The following AK9 variants were observed in gnomAD, a reference collection of about 807,000 sequenced individuals.
AK9 encodes adenylate kinase domain containing 1.
Under a neutral mutation model 239.6 loss-of-function variants are expected in AK9, and 191 were observed. The ratio of observed to expected loss-of-function variants is 0.80; its 90% confidence interval spans 0.71 to 0.90. AK9 has a LOEUF of 0.90. AK9 is among the 40% of genes least tolerant of loss of function. AK9 has a pLI of 0.00. For synonymous variants in AK9, 689 were observed against 721.0 expected (o/e 0.96, Z 0.71); for missense variants, 1,995 against 2,214.7 (o/e 0.90, Z 1.99).
intron 27 of AK9, among the ~76,000 whole-genome samples, chr6:109,539,950 T>G (rs1306991512): frequency 6.6e-6 from 1 of 152,164 alleles, no homozygotes; most frequent in Non-Finnish European, 1.5e-5. Context: ...TGCTCCCTGA[T>G]TGTTCCTGTG....
At chr6:109,639,726 G>A (rs1797162849) in intron 10 of AK9, among the ~76,000 whole-genome samples, 1 of 152,170 alleles carries the variant, frequency 6.6e-6, no homozygotes, top group South Asian at 2.1e-4. Flanking sequence ...CCTTGCCCCT[G>A]CCTACGTCCT....
At chr6:109,587,715 T>G (rs1789694790) in intron 17 of AK9, among the ~76,000 whole-genome samples, 1 of 152,206 alleles carries the variant, frequency 6.6e-6, no homozygotes, top group African/African-American at 2.4e-5. Context: ...TTAGGTTGAT[T>G]CCGCGGCATT....
rs753059975 is a variant in AK9 at position 109,497,844 on chromosome 6, G to A, written c.5168C>T (p.Ala1723Val). Reference sequence around the variant, plus strand: ...CACTGGACAGTAGCCCTGGAGCTCCGCACACTTAGGGAATCGACTCTTCAG... The same window carrying A: ...CACTGGACAGTAGCCCTGGAGCTCCACACACTTAGGGAATCGACTCTTCAG... The part of the protein sequence containing the change: ...SELKSRFPKC[A>V]ELQGYCPVTY... The change falls in exon 37 of 41, where the codon GCG becomes GTG. Residue 1723 changes from alanine (A) to valine (V), a missense_variant. Transcript: ENST00000424296. 9.3e-6 allele frequency: 15 copies of A among 1,613,840 alleles called. No homozygotes were observed. Among genetic ancestry groups the A allele is most frequent in the Admixed American group, 8.3e-5 (5 of 60,012 alleles).
At chr6:109,611,791 C>T (rs569164425) in intron 16 of AK9, among the ~76,000 whole-genome samples, 41 of 152,314 alleles carry the variant, frequency 2.7e-4, no homozygotes, top group African/African-American at 9.4e-4. Context: ...GTCTTCCCAA[C>T]ATTCTTTTTC....
intron 17 of AK9, 127 bp from the exon 18 acceptor site, chr6:109,586,199 G>T: frequency 2.3e-6 from 2 of 855,780 alleles, no homozygotes; most frequent in African/African-American, 1.8e-5. Flanking sequence ...GAAAAAAAAG[G>T]GTGACAATTT....
intron 6 of AK9, among the ~76,000 whole-genome samples, chr6:109,661,808 A>T (rs1455070750): frequency 6.6e-6 from 1 of 152,206 alleles, no homozygotes; most frequent in African/African-American, 2.4e-5. Context: ...ATTCATTTTG[A>T]CATAAACAAG....
chr6:109,606,322 C>T (rs1361843069), intron 17 of AK9, among the ~76,000 whole-genome samples: 1 of 151,644 alleles, frequency 6.6e-6, no homozygotes, highest in African/African-American at 2.4e-5. Context: ...CTGGGGGAAG[C>T]AGAGGAAATA....
chr6:109,636,263 C>T (rs1056755993), intron 10 of AK9, among the ~76,000 whole-genome samples: 4 of 152,128 alleles, frequency 2.6e-5, no homozygotes, highest in Admixed American at 2.6e-4. Context: ...TCTCACTCTT[C>T]ACCAGGGAGC....
At chr6:109,509,527 G>A in intron 32 of AK9, 147 bp from the exon 33 acceptor site, 1 of 737,174 alleles carries the variant, frequency 1.4e-6, no homozygotes, top group Non-Finnish European at 2.2e-6. Flanking sequence ...AGTGATGGCA[G>A]TGGCTGCTGC....
chr6:109,575,143 G>C (rs1787899156), intron 20 of AK9, among the ~76,000 whole-genome samples: 2 of 152,114 alleles, frequency 1.3e-5, no homozygotes, highest in South Asian at 4.1e-4. Context: ...ATAAACGTGT[G>C]TGTGCAAGTG....
At chr6:109,544,467 C>T (rs776289174) in intron 26 of AK9, among the ~76,000 whole-genome samples, 3 of 152,008 alleles carry the variant, frequency 2.0e-5, no homozygotes, top group African/African-American at 4.8e-5. Context: ...GCACCATTAC[C>T]CCCTTGGTAC....
At chr6:109,642,263 A>G (rs1797546561) in intron 9 of AK9, among the ~76,000 whole-genome samples, 1 of 152,208 alleles carries the variant, frequency 6.6e-6, no homozygotes, top group African/African-American at 2.4e-5. Context: ...TTGTTATGGC[A>G]ACCCCAGGAA....
chr6:109,509,235 T>C lies in AK9; in HGVS notation c.4425A>G (p.Glu1475=). The change falls in exon 33 of 41, where the codon GAA becomes GAG. Residue 1475 remains glutamate, a synonymous_variant. Transcript: ENST00000424296. ...HLHKGMTAPD[E]LAIQALELSL... is the part of the protein sequence containing the mutation. ...AAAGTTCTAAGGCTTGAATAGCCAG[T>C]TCATCAGGTGCTGTCATTCCTTTAT... 6.4e-7 allele frequency: 1 copy of C among 1,552,120 alleles called. No individual in the cohort carries two copies. The highest frequency in any genetic ancestry group is 8.7e-7 in the Non-Finnish European group (1 of 1,147,066).
At chr6:109,609,157 T>C (rs945879211) in intron 17 of AK9, among the ~76,000 whole-genome samples, 14 of 152,298 alleles carry the variant, frequency 9.2e-5, no homozygotes, top group African/African-American at 3.4e-4. Flanking sequence ...GGATTCCTTG[T>C]AGATTTATAT....
intron 13 of AK9, among the ~76,000 whole-genome samples, chr6:109,617,132 T>C (rs1044529185): frequency 1.3e-5 from 2 of 152,082 alleles, no homozygotes; most frequent in Admixed American, 6.6e-5. Context: ...CCAAATATTA[T>C]GGAAAGACAA....
intron 12 of AK9, among the ~76,000 whole-genome samples, chr6:109,628,904 C>T (rs886537757): frequency 1.4e-4 from 14 of 101,002 alleles, no homozygotes; most frequent in South Asian, 6.7e-4. Context: ...CAGGCTACTG[C>T]GTTTCATTTA....
intron 5 of AK9, 59 bp from the exon 6 acceptor site, chr6:109,662,722 GATT>G: frequency 1.3e-6 from 1 of 793,220 alleles, no homozygotes; most frequent in Non-Finnish European, 1.7e-6. Context: ...TGAGGGCATG[GATT>G]TATTATATTA....
At chr6:109,564,710 T>C (rs1278988614) in intron 22 of AK9, 46 bp downstream of exon 22, 1 of 1,420,248 alleles carries the variant, frequency 7.0e-7, no homozygotes, top group South Asian at 1.3e-5. Flanking sequence ...TAAGAAAATA[T>C]GAAAAGTACT....
intron 1 of AK9, among the ~76,000 whole-genome samples, chr6:109,678,213 T>C (rs917448812): frequency 3.9e-5 from 6 of 152,296 alleles, no homozygotes; most frequent in South Asian, 2.1e-4. Flanking sequence ...ATCCATACCA[T>C]GGAATATGAT....
Sources: allele counts gnomAD v4.1 joint callset (sites outside exome capture counted in the v4.1 genomes callset), GRCh38; gene constraint gnomAD v4.1.1; transcripts MANE v1.5; gene names NCBI Gene and HGNC (gene_info 2026-07-23, HGNC 2026-07-21).